DMD: variants seen among roughly 807,000 people sequenced by gnomAD.
DMD encodes dystrophin.
In DMD, 63 loss-of-function variants were observed where a neutral mutation model predicts 330.1. The ratio of observed to expected loss-of-function variants is 0.19; its 90% confidence interval spans 0.16 to 0.24. The LOEUF (loss-of-function observed/expected upper bound fraction) is 0.24. Among genes scored for constraint, DMD ranks in the 10% least tolerant of loss-of-function variants. The probability of loss-of-function intolerance (pLI) is 1.00; values close to 1 mark genes in which losing one functional copy is unlikely to be tolerated. For synonymous variants in DMD, 1,223 were observed against 959.8 expected, an observed-to-expected ratio of 1.27 and a Z score of -5.07; for missense variants, 3,344 against 2,684.1, an observed-to-expected ratio of 1.25 and a Z score of -5.43.
rs771875830 is a variant in DMD at position 32,783,314 on chromosome X, G to GGT, written c.649+26177_649+26178dup. Reference sequence around the variant, plus strand: ...TACACACATATATGTACACATATATGGTATATATATACACACATATATATA... The same window carrying GGT: ...TACACACATATATGTACACATATATGGTGTATATATATACACACATATATATA... On this transcript the variant is annotated intron_variant, in intron 7 of 78. Coordinates refer to ENST00000357033, the MANE Select transcript of DMD (RefSeq NM_004006.3). Among the ~76,000 whole-genome samples the GGT allele has an allele frequency of 3.9e-3, 335 of 86,112 alleles. 3 individuals are homozygous for GGT. Among genetic ancestry groups the GGT allele is most frequent in the Admixed American group, 7.5e-3 (59 of 7,914 alleles). The allele number at this position is 86,112 out of a possible 115,157, so 74.8% of individuals were successfully genotyped here. A position where few individuals can be genotyped will look rare whatever the true frequency, so the allele number is the denominator to read the frequency against.
intron 47 of DMD, among the ~76,000 whole-genome samples, chrX:31,899,929 A>C (rs912061238): frequency 9.0e-6 from 1 of 111,530 alleles, no homozygotes; most frequent in Non-Finnish European, 1.9e-5. Context: ...AGTAGTAAGA[A>C]AATGAGACTG....
chrX:32,793,665 T>C (rs954903283), intron 7 of DMD, among the ~76,000 whole-genome samples: 5 of 111,582 alleles, frequency 4.5e-5, no homozygotes, highest in Admixed American at 9.5e-5. Flanking sequence ...TCTAGAGGAA[T>C]GTATAAATTC....
intron 5 of DMD, among the ~76,000 whole-genome samples, chrX:32,822,088 GT>G (rs2078307662): frequency 9.0e-6 from 1 of 111,502 alleles, no homozygotes; most frequent in Admixed American, 9.6e-5. Flanking sequence ...ATCCCGACCA[GT>G]AAAAACAGCA....
intron 25 of DMD, among the ~76,000 whole-genome samples, chrX:32,455,945 A>C (rs1434329351): frequency 3.6e-5 from 4 of 111,240 alleles, no homozygotes; most frequent in Non-Finnish European, 7.6e-5. Flanking sequence ...AAAACATCTA[A>C]AAGAAAATCA....
intron 60 of DMD, among the ~76,000 whole-genome samples, chrX:31,437,912 G>A (rs60175005): frequency 0.083 from 8,915 of 107,285 alleles, 325 homozygotes; most frequent in East Asian, 0.24. Flanking sequence ...TATTACATGT[G>A]TATATATTAC....
At chrX:32,860,616 G>T (rs2082006011) in intron 2 of DMD, among the ~76,000 whole-genome samples, 1 of 111,143 alleles carries the variant, frequency 9.0e-6, no homozygotes, top group Non-Finnish European at 1.9e-5. Flanking sequence ...GTTGGAAAAG[G>T]TATTGTATAA....
chrX:31,690,537 A>T (rs146155147), intron 52 of DMD, among the ~76,000 whole-genome samples: 1,938 of 112,266 alleles, frequency 0.017, 23 homozygotes, highest in East Asian at 0.036. Flanking sequence ...AAACTAGTTC[A>T]ACCATTGTGG....
Position 32,554,935 on chromosome X carries a change from AAGAAAGAG to A in DMD, c.1993-9609_1993-9602del, listed in dbSNP as rs1159840775. 7.0e-3 allele frequency among the ~76,000 whole-genome samples: 198 copies of A among 28,273 alleles called. 1 individual carries two copies. The highest frequency in any genetic ancestry group is 0.067 in the African/African-American group (180 of 2,667). The allele number at this position is 28,273 out of a possible 115,157, so 24.6% of individuals were successfully genotyped here. A position where few individuals can be genotyped will look rare whatever the true frequency, so the allele number is the denominator to read the frequency against. On this transcript the variant is annotated intron_variant, in intron 16 of 78. Transcript: ENST00000357033. ...AAAGAAAGAAAGAAAGAAAGAAAGA[AAGAAAGAG>A]AGAGAGAGGGAGAGAGAAAGAAAGA... is the stretch of plus-strand genomic sequence containing the variant.
chrX:33,129,252 G>A (rs1447136980), intron 1 of DMD, among the ~76,000 whole-genome samples: 1 of 98,057 alleles, frequency 1.0e-5, no homozygotes, highest in Non-Finnish European at 2.0e-5. Context: ...GCAGTTCTTG[G>A]TTTTCTTTAG....
At chrX:32,620,898 AAC>A (rs2057938943) in intron 11 of DMD, among the ~76,000 whole-genome samples, 1 of 112,056 alleles carries the variant, frequency 8.9e-6, no homozygotes, top group Non-Finnish European at 1.9e-5. Context: ...GTCCTCGCAG[AAC>A]ACACAGCCTA....
At chrX:33,094,532 C>T (rs367710019) in intron 1 of DMD, among the ~76,000 whole-genome samples, 5 of 111,689 alleles carry the variant, frequency 4.5e-5, no homozygotes, top group African/African-American at 1.3e-4. Context: ...GAAGGCCGGG[C>T]GCGGTGGCTC....
rs398124004 is a variant in DMD at position 32,809,527 on chromosome X, A to G, written c.615T>C (p.Tyr205=). 2.5e-6 allele frequency: 3 copies of G among 1,209,167 alleles called. No homozygotes were observed. The highest frequency in any genetic ancestry group is 3.4e-6 in the Non-Finnish European group (3 of 894,842). Residue 205 remains tyrosine (Y), a synonymous_variant, in exon 7 of 79, where the codon TAT becomes TAC. Coordinates refer to ENST00000357033, the MANE Select transcript of DMD (RefSeq NM_004006.3). The part of the protein sequence containing the change: ...RLEHAFNIAR[Y]QLGIEKLLDP... Reference sequence around the variant, plus strand: ...CGAGTAGTTTCTCTATGCCTAATTGATATCTGGCGATGTTGAATGCATGTT... The same window carrying G: ...CGAGTAGTTTCTCTATGCCTAATTGGTATCTGGCGATGTTGAATGCATGTT...
At chrX:32,412,051 C>A in intron 29 of DMD, 138 bp from the exon 30 acceptor site, 1 of 1,190,178 alleles carries the variant, frequency 8.4e-7, no homozygotes, top group Non-Finnish European at 1.1e-6. Context: ...AGCTTCCTGG[C>A]ACTCATTCAG....
At chrX:31,655,399 C>T (rs1188739682) in intron 54 of DMD, among the ~76,000 whole-genome samples, 1 of 110,588 alleles carries the variant, frequency 9.0e-6, no homozygotes, top group Non-Finnish European at 1.9e-5. Context: ...TGAGTCTCAC[C>T]CATATCTAAT....
At chrX:32,523,891 T>C (rs1403889382) in intron 17 of DMD, among the ~76,000 whole-genome samples, 1 of 110,988 alleles carries the variant, frequency 9.0e-6, no homozygotes, top group East Asian at 2.8e-4. Flanking sequence ...AAGTTGTTTG[T>C]TTTTAGTTTG....
intron 13 of DMD, among the ~76,000 whole-genome samples, chrX:32,577,877 G>A (rs1203668321): frequency 2.7e-5 from 3 of 112,332 alleles, no homozygotes; most frequent in Non-Finnish European, 5.6e-5. Flanking sequence ...TTGCTCATAC[G>A]CTGTAAACAT....
At chrX:32,523,152 G>C (rs2046605651) in intron 17 of DMD, among the ~76,000 whole-genome samples, 1 of 111,100 alleles carries the variant, frequency 9.0e-6, no homozygotes, top group Non-Finnish European at 1.9e-5. Context: ...CACACTGTAG[G>C]GGCTCAGAAA....
chrX:31,222,943 G>T, intron 64 of DMD, 104 bp downstream of exon 64: 1 of 674,888 alleles, frequency 1.5e-6, no homozygotes, highest in East Asian at 3.2e-5. Context: ...AACAGGAATT[G>T]TGACAGCTGT....
chrX:31,360,308 T>C (rs984612753), intron 60 of DMD, among the ~76,000 whole-genome samples: 1 of 111,916 alleles, frequency 8.9e-6, no homozygotes, highest in South Asian at 3.7e-4. Flanking sequence ...ACAAAAAAAG[T>C]TATTTAAAAA....
Sources: gnomAD v4.1 joint callset for allele counts (sites outside exome capture counted in the v4.1 genomes callset) on GRCh38, gnomAD v4.1.1 for gene constraint, MANE v1.5 for transcripts, NCBI Gene and HGNC (gene_info 2026-07-23, HGNC 2026-07-21) for gene names.